Variants in CNTN4 observed in about 807,000 individuals in gnomAD.
The protein encoded by CNTN4 is contactin 4.
CNTN4 carries 77 observed loss-of-function variants against 122.5 expected under a neutral mutation model. The ratio of observed to expected loss-of-function variants is 0.63; its 90% confidence interval spans 0.52 to 0.76. The LOEUF (loss-of-function observed/expected upper bound fraction) is 0.76. Among genes scored for constraint, CNTN4 ranks in the 30% least tolerant of loss-of-function variants. CNTN4 has a pLI of 0.00. For missense variants in CNTN4, 1,256 were observed against 1,259.1 expected (o/e 1.00, Z 0.04); for synonymous variants, 512 against 447.0 (o/e 1.15, Z -1.83).
chr3:2,458,716 A>G (rs888637347), intron 3 of CNTN4, among the ~76,000 whole-genome samples: 4 of 151,968 alleles, frequency 2.6e-5, no homozygotes, highest in Admixed American at 2.0e-4. Context: ...TTGCTTTTTT[A>G]AGGTTGTTTT....
intron 2 of CNTN4, among the ~76,000 whole-genome samples, chr3:2,280,376 TAATG>T (rs1206868467): frequency 8.5e-5 from 13 of 152,226 alleles, no homozygotes; most frequent in African/African-American, 2.9e-4. Context: ...ATGAGTAAAA[TAATG>T]AATCACTACT....
chr3:2,846,948 G>A (rs1285940448), intron 7 of CNTN4, among the ~76,000 whole-genome samples: 1 of 152,042 alleles, frequency 6.6e-6, no homozygotes, highest in South Asian at 2.1e-4. Flanking sequence ...AGCCGAGATC[G>A]CACCACTGTA....
intron 7 of CNTN4, among the ~76,000 whole-genome samples, chr3:2,820,417 T>A (rs1455999615): frequency 6.6e-6 from 1 of 152,200 alleles, no homozygotes; most frequent in Non-Finnish European, 1.5e-5. Flanking sequence ...CCTCCCCACA[T>A]GTAGATGCAT....
intron 2 of CNTN4, among the ~76,000 whole-genome samples, chr3:2,216,778 C>G (rs949618815): frequency 2.0e-5 from 3 of 152,090 alleles, no homozygotes; most frequent in African/African-American, 7.2e-5. Flanking sequence ...CTGGCTGGTT[C>G]CAGTCTGCAT....
At chr3:2,161,704 G>A (rs532495866) in intron 2 of CNTN4, among the ~76,000 whole-genome samples, 3 of 152,186 alleles carry the variant, frequency 2.0e-5, no homozygotes, top group Non-Finnish European at 4.4e-5. Flanking sequence ...CGCTAAGTAC[G>A]ATGAGGACAG....
intron 4 of CNTN4, among the ~76,000 whole-genome samples, chr3:2,669,571 G>T (rs1434840585): frequency 3.3e-5 from 5 of 151,900 alleles, no homozygotes; most frequent in South Asian, 2.1e-4. Flanking sequence ...TTTTTGAACG[G>T]TTTTTTGTGT....
intron 3 of CNTN4, among the ~76,000 whole-genome samples, chr3:2,477,076 T>G (rs2075855392): frequency 6.6e-6 from 1 of 152,190 alleles, no homozygotes; most frequent in South Asian, 2.1e-4. Flanking sequence ...AAAAGCTGGT[T>G]GAAGCCCATA....
rs530835573 is a variant in CNTN4, at chr3:2,974,012, T to C, written c.1359-14333T>C. Among the ~76,000 whole-genome samples the C allele has an allele frequency of 2.6e-5, 4 of 152,326 alleles. No homozygotes were observed. In the South Asian group the frequency reaches 8.3e-4, roughly 32 times the overall value. On this transcript the variant is annotated intron_variant, in intron 13 of 24. Transcript: ENST00000418658. ...ACAGTATACAGACATTAAAAAGCAC[T>C]GAGCAACATAGTTCTCTTACACTCC...
At chr3:2,858,161 A>G (rs75020435) in intron 7 of CNTN4, among the ~76,000 whole-genome samples, 35 of 152,206 alleles carry the variant, frequency 2.3e-4, no homozygotes, top group Non-Finnish European at 4.1e-4. Flanking sequence ...AATGTATCCA[A>G]ACCTTTTAAA....
chr3:2,856,274 C>T (rs2093616966), intron 7 of CNTN4, among the ~76,000 whole-genome samples: 2 of 146,244 alleles, frequency 1.4e-5, no homozygotes, highest in Admixed American at 1.3e-4. Context: ...CAAATTTCAA[C>T]GTGTGAAATA....
At position 2,344,965 on chromosome 3, in the gene CNTN4, C is replaced by T. The variant is rs957262105; in HGVS notation, c.-89+5732C>T. On this transcript the variant is annotated intron_variant, in intron 3 of 24. Transcript: ENST00000418658. ...GCACTTAATGAATTTAATCAGCCCC[C>T]GAGGGACTTTTGATGTCAGGGAAAT... Among the ~76,000 whole-genome samples the T allele has an allele frequency of 7.2e-5, 11 of 152,240 alleles. No individual in the cohort carries two copies. In the East Asian group the frequency reaches 9.6e-4, roughly 13 times the overall value.
In CNTN4 at chr3:2,811,040, A is replaced by G. The variant is rs573826673; in HGVS notation, c.359-8446A>G. ...TGAAAAAAAAAAGAAAAAAAAAAAGATCAGAAGTCATTTCTGTGAATGAGT... is the reference window on the plus strand; with the variant it reads ...TGAAAAAAAAAAGAAAAAAAAAAAGGTCAGAAGTCATTTCTGTGAATGAGT... On this transcript the variant is annotated intron_variant, in intron 6 of 24. Transcript: ENST00000418658. Among the ~76,000 whole-genome samples, 625 of 151,716 alleles carry G rather than the reference A, an allele frequency of 4.1e-3. 2 individuals are homozygous for G. Among genetic ancestry groups the G allele is most frequent in the African/African-American group, 0.014 (574 of 41,266 alleles).
At chr3:2,816,904 A>T (rs1391123965) in intron 6 of CNTN4, among the ~76,000 whole-genome samples, 3 of 152,140 alleles carry the variant, frequency 2.0e-5, no homozygotes, top group Non-Finnish European at 2.9e-5. Flanking sequence ...AAAATTTAAT[A>T]AATAAATAAA....
intron 2 of CNTN4, among the ~76,000 whole-genome samples, chr3:2,274,200 T>C (rs1020055114): frequency 6.6e-6 from 1 of 152,016 alleles, no homozygotes. Flanking sequence ...CTGTCCAACA[T>C]GGTGAAAACC....
intron 2 of CNTN4, among the ~76,000 whole-genome samples, chr3:2,252,518 G>GA (rs922483758): frequency 1.3e-5 from 2 of 151,856 alleles, no homozygotes; most frequent in African/African-American, 2.4e-5. Flanking sequence ...ATAAGAAAAA[G>GA]AAAAAAATTA....
At chr3:2,151,499 C>G (rs1030863874) in intron 2 of CNTN4, among the ~76,000 whole-genome samples, 1 of 152,010 alleles carries the variant, frequency 6.6e-6, no homozygotes, top group African/African-American at 2.4e-5. Flanking sequence ...CTTCTATGTT[C>G]CAGGTGCTAT....
At chr3:2,600,679 A>T (rs2081001970) in intron 4 of CNTN4, among the ~76,000 whole-genome samples, 1 of 152,212 alleles carries the variant, frequency 6.6e-6, no homozygotes, top group South Asian at 2.1e-4. Flanking sequence ...ATGTGTCTTT[A>T]TAGCAGCATG....
chr3:2,147,535 A>G (rs1213353148), intron 2 of CNTN4, among the ~76,000 whole-genome samples: 1 of 152,070 alleles, frequency 6.6e-6, no homozygotes, highest in Non-Finnish European at 1.5e-5. Flanking sequence ...ACATCTTCCA[A>G]CACATATTTC....
At chr3:2,640,664 C>T (rs2082861290) in intron 4 of CNTN4, among the ~76,000 whole-genome samples, 1 of 151,958 alleles carries the variant, frequency 6.6e-6, no homozygotes, top group Non-Finnish European at 1.5e-5. Flanking sequence ...TATATGCACA[C>T]ATATATCTTT....
Sources: gnomAD v4.1 joint callset for allele counts (sites outside exome capture counted in the v4.1 genomes callset) on GRCh38, gnomAD v4.1.1 for gene constraint, MANE v1.5 for transcripts, NCBI Gene and HGNC (gene_info 2026-07-23, HGNC 2026-07-21) for gene names.